EYS: variants seen among roughly 807,000 people sequenced by gnomAD.
EYS encodes protein eyes shut homolog.
In EYS, 250 loss-of-function variants were observed where a neutral mutation model predicts 282.1. The observed-to-expected ratio is 0.89, with a 90% CI of 0.80 to 0.98. EYS has a LOEUF of 0.98. EYS is among the 50% of genes least tolerant of loss of function. The pLI is 0.00. For synonymous variants in EYS, 1,355 were observed against 1,282.9 expected (o/e 1.06, Z -1.20); for missense variants, 4,016 against 3,709.0 (o/e 1.08, Z -2.15).
At chr6:64,707,872 T>C (rs1771084918) in intron 22 of EYS, among the ~76,000 whole-genome samples, 1 of 150,824 alleles carries the variant, frequency 6.6e-6, no homozygotes, top group Non-Finnish European at 1.5e-5. Context: ...TAGCTTTCCT[T>C]AAAAAGAAAA....
intron 11 of EYS, among the ~76,000 whole-genome samples, chr6:65,299,235 C>CT (rs1295810528): frequency 1.3e-5 from 2 of 151,994 alleles, no homozygotes; most frequent in Admixed American, 6.6e-5. Flanking sequence ...ATGAATTGCA[C>CT]TTTTTTTGCA....
chr6:64,959,983 A>T (rs1769858748), intron 14 of EYS, among the ~76,000 whole-genome samples: 2 of 151,356 alleles, frequency 1.3e-5, no homozygotes, highest in African/African-American at 2.4e-5. Context: ...AAACTTGCAG[A>T]GAGAAATTTG....
At chr6:64,517,213 C>G (rs911322788) in intron 26 of EYS, among the ~76,000 whole-genome samples, 1 of 151,678 alleles carries the variant, frequency 6.6e-6, no homozygotes, top group Non-Finnish European at 1.5e-5. Context: ...AATAGAACCT[C>G]ACAAATTAGA....
At chr6:63,807,963 A>AC (rs1297227634) in intron 36 of EYS, among the ~76,000 whole-genome samples, 1 of 152,208 alleles carries the variant, frequency 6.6e-6, no homozygotes, top group Non-Finnish European at 1.5e-5. Context: ...CTAAAATAGA[A>AC]AAGGAATGAC....
chr6:65,284,401 A>G (rs1768303779), intron 12 of EYS, among the ~76,000 whole-genome samples: 1 of 152,182 alleles, frequency 6.6e-6, no homozygotes, highest in African/African-American at 2.4e-5. Context: ...TTAAAAAGTC[A>G]GAAGCTGTTA....
At chr6:64,216,820 T>A (rs1765943151) in intron 31 of EYS, among the ~76,000 whole-genome samples, 1 of 152,146 alleles carries the variant, frequency 6.6e-6, no homozygotes, top group African/African-American at 2.4e-5. Context: ...ATGTTAGACC[T>A]GAGCATCAAT....
intron 29 of EYS, among the ~76,000 whole-genome samples, chr6:64,339,810 C>A (rs1771023905): frequency 6.6e-6 from 1 of 151,688 alleles, no homozygotes; most frequent in African/African-American, 2.4e-5. Flanking sequence ...AATGGAAAAC[C>A]AAACATATGT....
At chr6:64,116,436 G>A (rs2150270285) in intron 31 of EYS, among the ~76,000 whole-genome samples, 1 of 152,194 alleles carries the variant, frequency 6.6e-6, no homozygotes, top group East Asian at 1.9e-4. Context: ...AAGAATCATA[G>A]CATAATACTG....
chr6:65,187,939 C>T lies in EYS; in HGVS notation c.2023+107924G>A, dbSNP rs548683327. ...TATGTTCTTTTTCCTTCTAATTTCA[C>T]TGTCCCTATATATAACAATGGCTTT... On this transcript the variant is annotated intron_variant, in intron 12 of 42. Transcript: ENST00000503581. Among the ~76,000 whole-genome samples, 31 of 151,722 alleles carry T rather than the reference C, an allele frequency of 2.0e-4. No individual in the cohort carries two copies. The South Asian group carries it at 5.6e-3, about 27-fold the overall frequency.
chr6:65,464,484 C>A (rs1764928280), intron 5 of EYS, among the ~76,000 whole-genome samples: 3 of 152,110 alleles, frequency 2.0e-5, no homozygotes. Context: ...TGTAATACAA[C>A]TAAATGCCAA....
chr6:63,888,745 AC>A (rs1773331265), intron 35 of EYS, among the ~76,000 whole-genome samples: 1 of 152,236 alleles, frequency 6.6e-6, no homozygotes, highest in South Asian at 2.1e-4. Context: ...CCAAAGGATC[AC>A]AACTTCGTGT....
intron 34 of EYS, among the ~76,000 whole-genome samples, chr6:63,998,766 C>T (rs1337947228): frequency 6.7e-6 from 1 of 149,226 alleles, no homozygotes; most frequent in Non-Finnish European, 1.5e-5. Flanking sequence ...CATATTTTGC[C>T]AATCTTTCCC....
intron 23 of EYS, 82 bp from the exon 24 acceptor site, chr6:64,617,615 T>G: frequency 1.3e-6 from 1 of 770,768 alleles, no homozygotes. Context: ...ATTTATTGGC[T>G]TTTACTATTT....
chr6:64,462,677 C>A (rs1320478544), intron 26 of EYS, among the ~76,000 whole-genome samples: 1 of 151,914 alleles, frequency 6.6e-6, no homozygotes, highest in Non-Finnish European at 1.5e-5. Flanking sequence ...TCTGTTAATA[C>A]TTGTTTAATT....
chr6:65,335,204 C>A (rs2150313849), intron 10 of EYS, 58 bp from the exon 11 acceptor site: 5 of 1,205,882 alleles, frequency 4.1e-6, no homozygotes, highest in Non-Finnish European at 6.1e-6. Context: ...TACAATATTA[C>A]AATTGTGACC....
Position 64,213,260 on chromosome 6 carries a change from T to C in EYS, c.6424+17332A>G, listed in dbSNP as rs149732384. ...TTCAACATAAGTTTTGAAGGGGACA[T>C]TAAAACCATAGCAAATACATATAAA... is the stretch of plus-strand genomic sequence containing the variant. On this transcript the variant is annotated intron_variant, in intron 31 of 42. Transcript: ENST00000503581. Among the ~76,000 whole-genome samples the C allele has an allele frequency of 1.2e-3, 175 of 150,402 alleles. 1 individual carries two copies. The highest frequency in any genetic ancestry group is 6.8e-3 in the Middle Eastern group (2 of 294).
intron 33 of EYS, among the ~76,000 whole-genome samples, chr6:64,059,819 TG>T (rs1457334299): frequency 3.3e-5 from 5 of 152,176 alleles, no homozygotes; most frequent in African/African-American, 1.2e-4. Context: ...AGGCTATGCA[TG>T]GATAAAGGTG....
At chr6:64,569,026 G>GAAAAAAAAAAAAAAAAAAAAAAAAAAAAA (rs4034162) in intron 26 of EYS, among the ~76,000 whole-genome samples, 1 of 101,726 alleles carries the variant, frequency 9.8e-6, no homozygotes, top group Non-Finnish European at 1.9e-5. Context: ...AGATGGAAAA[G>GAAAAAAAAAAAAAAAAAAAAAAAAAAAAA]AAAAAAAAAA....
At chr6:64,507,634 C>T (rs1474432602) in intron 26 of EYS, among the ~76,000 whole-genome samples, 1 of 152,076 alleles carries the variant, frequency 6.6e-6, no homozygotes, top group Non-Finnish European at 1.5e-5. Flanking sequence ...TAAGAATCAA[C>T]TGGGTAAAGC....
Sources: allele counts gnomAD v4.1 joint callset (sites outside exome capture counted in the v4.1 genomes callset), GRCh38; gene constraint gnomAD v4.1.1; transcripts MANE v1.5; gene names NCBI Gene and HGNC (gene_info 2026-07-23, HGNC 2026-07-21).